The following SLC24A3 variants were observed in gnomAD, a reference collection of about 807,000 sequenced individuals.
SLC24A3 encodes sodium/potassium/calcium exchanger 3.
A neutral mutation model predicts 75.8 loss-of-function variants in SLC24A3; 28 were observed. The ratio of observed to expected loss-of-function variants is 0.37; its 90% CI spans 0.27 to 0.51. The LOEUF (loss-of-function observed/expected upper bound fraction) is 0.51, where lower values mean the gene tolerates loss of function less well. Ranked by LOEUF, SLC24A3 falls within the 20% of genes least tolerant of loss-of-function variation. The pLI, the probability that SLC24A3 is intolerant of heterozygous loss-of-function variation, is 0.94. For synonymous variants in SLC24A3, 372 were observed against 334.1 expected, an observed-to-expected ratio of 1.11 and a Z score of -1.24; for missense variants, 663 against 847.8, an observed-to-expected ratio of 0.78 and a Z score of 2.71.
At chr20:19,316,095 A>G (rs1028568499) in intron 2 of SLC24A3, among the ~76,000 whole-genome samples, 2 of 152,230 alleles carry the variant, frequency 1.3e-5, no homozygotes, top group African/African-American at 4.8e-5. Context: ...CAGCATCACC[A>G]AAGCCTATTG....
At chr20:19,514,608 C>T (rs949778951) in intron 2 of SLC24A3, among the ~76,000 whole-genome samples, 1 of 152,222 alleles carries the variant, frequency 6.6e-6, no homozygotes, top group Non-Finnish European at 1.5e-5. Flanking sequence ...GGATTCCTAT[C>T]GGAGGGACCA....
chr20:19,410,075 A>T (rs1986717258), intron 2 of SLC24A3, among the ~76,000 whole-genome samples: 1 of 152,158 alleles, frequency 6.6e-6, no homozygotes, highest in African/African-American at 2.4e-5. Context: ...AATTCATCGC[A>T]CAGTTATTCA....
intron 2 of SLC24A3, among the ~76,000 whole-genome samples, chr20:19,440,123 T>G (rs1035132801): frequency 7.9e-5 from 12 of 152,254 alleles, no homozygotes; most frequent in African/African-American, 2.4e-4. Flanking sequence ...ACAGACATCG[T>G]TCTAGAATTT....
intron 6 of SLC24A3, among the ~76,000 whole-genome samples, chr20:19,597,145 G>A (rs531312255): frequency 6.6e-6 from 1 of 151,612 alleles, no homozygotes; most frequent in Non-Finnish European, 1.5e-5. Context: ...CACTTTGGAA[G>A]GCCAAGGTGG....
At chr20:19,615,270 G>A (rs1269791053) in intron 6 of SLC24A3, among the ~76,000 whole-genome samples, 1 of 152,306 alleles carries the variant, frequency 6.6e-6, no homozygotes, top group South Asian at 2.1e-4. Flanking sequence ...AAGCAGACAC[G>A]AAGACAGAGT....
chr20:19,273,911 C>A (rs1415622199), intron 1 of SLC24A3, among the ~76,000 whole-genome samples: 2 of 151,338 alleles, frequency 1.3e-5, no homozygotes, highest in African/African-American at 2.4e-5. Context: ...GTGTAAATTT[C>A]TTGCCAGTAT....
intron 3 of SLC24A3, among the ~76,000 whole-genome samples, chr20:19,530,210 T>C (rs2030271920): frequency 6.6e-6 from 1 of 152,236 alleles, no homozygotes. Flanking sequence ...GGAAGGGGTC[T>C]CCTGCACTGT....
rs570107594 is a variant in SLC24A3, at chr20:19,720,280, G to A, written c.1786-711G>A. Among the ~76,000 whole-genome samples, 18 of 152,328 alleles carry A rather than the reference G, an allele frequency of 1.2e-4. No homozygotes were observed. The South Asian group carries it at 3.7e-3, about 32-fold the overall frequency. ...GAGTGGCTGAGGCCAGATGAAGGATGAGGACTTGATGGGGCAGGGTGTTGG... is the reference window on the plus strand; with the variant it reads ...GAGTGGCTGAGGCCAGATGAAGGATAAGGACTTGATGGGGCAGGGTGTTGG... On this transcript the variant is annotated intron_variant, in intron 16 of 16. Transcript: ENST00000328041.
At chr20:19,422,469 G>T (rs1986933549) in intron 2 of SLC24A3, among the ~76,000 whole-genome samples, 1 of 152,144 alleles carries the variant, frequency 6.6e-6, no homozygotes. Context: ...GAGGATGCTT[G>T]TGATCAGTGG....
At chr20:19,364,884 G>T (rs1366316460) in intron 2 of SLC24A3, among the ~76,000 whole-genome samples, 1 of 152,164 alleles carries the variant, frequency 6.6e-6, no homozygotes, top group Non-Finnish European at 1.5e-5. Context: ...GGCCCTACCA[G>T]AAAAGTAGGC....
chr20:19,591,491 T>C (rs2031376746), intron 6 of SLC24A3, among the ~76,000 whole-genome samples: 1 of 96,942 alleles, frequency 1.0e-5, no homozygotes, highest in Non-Finnish European at 2.6e-5. Flanking sequence ...TTCCTCATAC[T>C]AGTTTTTTTT....
chr20:19,497,665 A>G (rs113822060), intron 2 of SLC24A3, among the ~76,000 whole-genome samples: 1 of 152,108 alleles, frequency 6.6e-6, no homozygotes, highest in African/African-American at 2.4e-5. Context: ...AAGGAAGGAC[A>G]CTTGCCTCAG....
At chr20:19,516,281 A>G (rs997785794) in intron 3 of SLC24A3, among the ~76,000 whole-genome samples, 4 of 152,296 alleles carry the variant, frequency 2.6e-5, no homozygotes, top group South Asian at 2.1e-4. Context: ...CATACATGTG[A>G]CGATGTCTAA....
chr20:19,693,238 TGGCC>T lies in SLC24A3; in HGVS notation c.1325-20_1325-17del, dbSNP rs1600344041. ...TTGTTATTTTTTTTTTATTTCTTTT[TGGCC>T]TTTTTCATTTTTCCAGCGGGTAAAC... On this transcript the variant is annotated splice_polypyrimidine_tract_variant and intron_variant, in intron 12 of 16. Coordinates refer to ENST00000328041, the MANE Select transcript of SLC24A3 (RefSeq NM_020689.4). The T allele has an allele frequency of 6.3e-7, 1 of 1,594,394 alleles. No individual in the cohort carries two copies. Among genetic ancestry groups the T allele is most frequent in the Non-Finnish European group, 8.5e-7 (1 of 1,173,226 alleles).
At chr20:19,354,275 G>A (rs1189378887) in intron 2 of SLC24A3, among the ~76,000 whole-genome samples, 1 of 152,096 alleles carries the variant, frequency 6.6e-6, no homozygotes, top group Non-Finnish European at 1.5e-5. Context: ...TTAAAAACAT[G>A]CCAAATGAAA....
intron 3 of SLC24A3, among the ~76,000 whole-genome samples, chr20:19,538,022 T>TACA (rs200695198): frequency 0.027 from 4,122 of 151,924 alleles, 87 homozygotes; most frequent in Non-Finnish European, 0.035. Context: ...AAACTTAAAG[T>TACA]ATAATAATAA....
At chr20:19,246,671 C>G (rs752180995) in intron 1 of SLC24A3, among the ~76,000 whole-genome samples, 6 of 152,136 alleles carry the variant, frequency 3.9e-5, no homozygotes, top group Non-Finnish European at 8.8e-5. Flanking sequence ...TAATTTATCT[C>G]ATGAACAGAT....
chr20:19,469,758 A>G (rs751639554), intron 2 of SLC24A3, among the ~76,000 whole-genome samples: 1 of 152,208 alleles, frequency 6.6e-6, no homozygotes, highest in Non-Finnish European at 1.5e-5. Context: ...GTCGGGGAAG[A>G]GTGGCCTGAG....
chr20:19,524,984 T>C (rs1346386462), intron 3 of SLC24A3, among the ~76,000 whole-genome samples: 2 of 152,356 alleles, frequency 1.3e-5, no homozygotes, highest in Admixed American at 1.3e-4. Flanking sequence ...CTCAATGGTT[T>C]TGTCTCTTTG....
Sources: gnomAD v4.1 joint callset for allele counts (sites outside exome capture counted in the v4.1 genomes callset) on GRCh38, gnomAD v4.1.1 for gene constraint, MANE v1.5 for transcripts, NCBI Gene and HGNC (gene_info 2026-07-23, HGNC 2026-07-21) for gene names.